VWCE: variants seen among roughly 807,000 people sequenced by gnomAD.
VWCE encodes von Willebrand factor C and EGF domain-containing protein.
A neutral mutation model predicts 102.9 loss-of-function variants in VWCE; 68 were observed. That is an observed-to-expected ratio of 0.66 (90% CI 0.54 to 0.81). VWCE has a LOEUF of 0.81. VWCE is among the 30% of genes least tolerant of loss of function. The pLI, the probability that VWCE is intolerant of heterozygous loss-of-function variation, is 0.00. For missense variants in VWCE, 1,137 were observed against 1,263.6 expected (o/e 0.90, Z 1.52); for synonymous variants, 497 against 515.4 (o/e 0.96, Z 0.48).
At chr11:61,281,762 G>C in intron 7 of VWCE, 24 bp downstream of exon 7, 2 of 1,595,362 alleles carry the variant, frequency 1.3e-6, no homozygotes, top group Non-Finnish European at 1.7e-6. Context: ...GCCAGCCGCC[G>C]GGATGGAGGG....
intron 4 of VWCE, among the ~76,000 whole-genome samples, 191 bp from the exon 5 acceptor site, chr11:61,286,621 G>A (rs998175825): frequency 2.0e-5 from 3 of 151,902 alleles, no homozygotes; most frequent in African/African-American, 7.3e-5. Flanking sequence ...GACCAACATG[G>A]AGAAACCCCG....
intron 1 of VWCE, among the ~76,000 whole-genome samples, chr11:61,292,681 C>T (rs1040936365): frequency 3.3e-5 from 5 of 152,078 alleles, no homozygotes; most frequent in Non-Finnish European, 5.9e-5. Flanking sequence ...CTGAGTAAGG[C>T]GTGACCATAC....
Position 61,263,745 on chromosome 11 carries a change from T to C in VWCE, c.2230+742A>G, listed in dbSNP as rs751055665. On this transcript the variant is annotated intron_variant, in intron 19 of 19. Transcript: ENST00000335613. Reference sequence around the variant, plus strand: ...GCACTTCACCTGCCTGGGCCTGTTTTCTCACCTGGCACAGGAGGATGACAA... The same window carrying C: ...GCACTTCACCTGCCTGGGCCTGTTTCCTCACCTGGCACAGGAGGATGACAA... 1.3e-3 allele frequency among the ~76,000 whole-genome samples: 191 copies of C among 152,298 alleles called. 1 individual carries two copies. Among genetic ancestry groups the C allele is most frequent in the Admixed American group, 3.5e-3 (53 of 15,300 alleles).
intron 14 of VWCE, among the ~76,000 whole-genome samples, chr11:61,270,471 G>C (rs931534401): frequency 6.6e-6 from 1 of 152,184 alleles, no homozygotes; most frequent in African/African-American, 2.4e-5. Context: ...GTATTAGATT[G>C]GTGCAAAAGT....
At chr11:61,277,310 C>T (rs565085807) in intron 10 of VWCE, among the ~76,000 whole-genome samples, 2 of 151,980 alleles carry the variant, frequency 1.3e-5, no homozygotes, top group Admixed American at 6.6e-5. Context: ...GAGCAAGAGA[C>T]ACTTAAAGAT....
At chr11:61,282,046 T>C in intron 6 of VWCE, 132 bp from the exon 7 acceptor site, 1 of 1,372,284 alleles carries the variant, frequency 7.3e-7, no homozygotes, top group Middle Eastern at 1.9e-4. Context: ...TGCCCCGAGG[T>C]GCGGGATGTG....
In VWCE at chr11:61,269,007, C is replaced by T. The variant is rs201645635; in HGVS notation, c.1797G>A (p.Ser599=). The T allele has an allele frequency of 9.4e-5, 151 of 1,614,056 alleles. No individual in the cohort carries two copies. Among genetic ancestry groups the T allele is most frequent in the African/African-American group, 2.4e-4 (18 of 75,042 alleles). Residue 599 remains serine (S), a synonymous_variant, in exon 15 of 20, where the codon TCG becomes TCA. Transcript: ENST00000335613. ...CACAGTCTGTCCTCTTGCAGCTCAC[C>T]GAGCCATCTGCCTGGAGGAAGGAGG... is the stretch of plus-strand genomic sequence containing the variant. The part of the protein sequence containing the change: ...CELCICQADG[S]VSCKRTDCVD...
intron 16 of VWCE, 123 bp downstream of exon 16, chr11:61,267,339 C>T: frequency 1.0e-6 from 1 of 990,888 alleles, no homozygotes; most frequent in Admixed American, 1.9e-5. Flanking sequence ...GAGCTGACTT[C>T]CACCATGAAC....
rs1470747085 is a variant in VWCE, at chr11:61,294,258, C to T, written c.110+670G>A. Among the ~76,000 whole-genome samples the T allele has an allele frequency of 6.6e-6, 1 of 152,180 alleles. No individual in the cohort carries two copies. The highest frequency in any genetic ancestry group is 6.5e-5 in the Admixed American group (1 of 15,278). Reference sequence around the variant, plus strand: ...AGCTACAAGCCTGGCCGGGCCGCCCCCGCTGCGCGCCCCCCGGAGGACGTG... The same window carrying T: ...AGCTACAAGCCTGGCCGGGCCGCCCTCGCTGCGCGCCCCCCGGAGGACGTG... On this transcript the variant is annotated intron_variant, in intron 1 of 19. Coordinates refer to ENST00000335613, the MANE Select transcript of VWCE (RefSeq NM_152718.2). The surrounding 1 kb of genome is among the most constrained non-coding windows in gnomAD (Gnocchi z 6.3).
intron 10 of VWCE, 105 bp from the exon 11 acceptor site, chr11:61,276,785 C>T: frequency 1.6e-6 from 1 of 625,084 alleles, no homozygotes; most frequent in African/African-American, 2.1e-5. Context: ...TAAAGGAGGC[C>T]ACAAGAAACC....
intron 15 of VWCE, among the ~76,000 whole-genome samples, 179 bp downstream of exon 15, chr11:61,268,743 C>T (rs1209056662): frequency 2.0e-5 from 3 of 152,160 alleles, no homozygotes; most frequent in African/African-American, 7.2e-5. Flanking sequence ...AGATCTGCCT[C>T]GAGCACTCAG....
At chr11:61,287,673 G>A (rs1311711079) in intron 4 of VWCE, among the ~76,000 whole-genome samples, 1 of 152,206 alleles carries the variant, frequency 6.6e-6, no homozygotes, top group Non-Finnish European at 1.5e-5. Flanking sequence ...GGCCCAGGCA[G>A]GCATGCCCTG....
chr11:61,290,967 C>T, intron 3 of VWCE, 40 bp from the exon 4 acceptor site: 1 of 1,588,814 alleles, frequency 6.3e-7, no homozygotes, highest in East Asian at 2.3e-5. Context: ...CACCCCGTGG[C>T]AGTCCCAACC....
intron 19 of VWCE, 34 bp from the exon 20 acceptor site, chr11:61,259,346 G>A (rs898671350): frequency 2.6e-6 from 4 of 1,538,584 alleles, no homozygotes; most frequent in Non-Finnish European, 2.6e-6. Context: ...GATGCACAAT[G>A]GCTCTCTCCA....
Position 61,258,620 on chromosome 11 carries a change from C to A in VWCE, c.*55G>T, listed in dbSNP as rs1778980858. ...ATCCTTGGAGCTGCCCTGCACACAC[C>A]CTGGGCCACTGGCAGAGGTCCTCTC... On this transcript the variant is annotated 3_prime_UTR_variant, in exon 20 of 20. Coordinates refer to ENST00000335613, the MANE Select transcript of VWCE (RefSeq NM_152718.2). 1 of 1,337,318 alleles carries A rather than the reference C, an allele frequency of 7.5e-7. No homozygotes were observed. Among genetic ancestry groups the A allele is most frequent in the Non-Finnish European group, 9.6e-7 (1 of 1,038,570 alleles). 82.8% of individuals were successfully genotyped at this position (1,337,318 alleles called of 1,614,324 possible).
intron 4 of VWCE, among the ~76,000 whole-genome samples, chr11:61,286,868 C>A (rs1402347417): frequency 6.6e-6 from 1 of 151,916 alleles, no homozygotes; most frequent in African/African-American, 2.4e-5. Flanking sequence ...GAGGCTGAGG[C>A]GGGCAGATCA....
At chr11:61,281,728 TG>T (rs1855143266) in intron 7 of VWCE, 57 bp downstream of exon 7, 2 of 1,441,356 alleles carry the variant, frequency 1.4e-6, no homozygotes, top group African/African-American at 3.8e-5. Context: ...GGGGCGTAGC[TG>T]GGGCAGGCAC....
At chr11:61,286,510 G>A in intron 4 of VWCE, 80 bp from the exon 5 acceptor site, 7 of 1,381,514 alleles carry the variant, frequency 5.1e-6, no homozygotes, top group East Asian at 4.6e-5. Context: ...TGGGAAGAAA[G>A]CACCCTTGCA....
rs938157057 is a variant in VWCE at position 61,294,401 on chromosome 11, G to C, written c.110+527C>G. Among the ~76,000 whole-genome samples the C allele has an allele frequency of 5.9e-5, 9 of 152,202 alleles. No individual in the cohort carries two copies. Among genetic ancestry groups the C allele is most frequent in the African/African-American group, 1.9e-4 (8 of 41,460 alleles). ...ACGTGCGGAGGGCGGCATCCATCGC[G>C]AAAGACAGCGGAGGGGCATGCACCC... On this transcript the variant is annotated intron_variant, in intron 1 of 19. Coordinates refer to ENST00000335613, the MANE Select transcript of VWCE (RefSeq NM_152718.2). The surrounding 1 kb of genome is among the most constrained non-coding windows in gnomAD (Gnocchi z 6.3).
Sources: allele counts gnomAD v4.1 joint callset (sites outside exome capture counted in the v4.1 genomes callset), GRCh38; gene constraint gnomAD v4.1.1; non-coding constraint Gnocchi (gnomAD v3.1); transcripts MANE v1.5; gene names NCBI Gene and HGNC (gene_info 2026-07-23, HGNC 2026-07-21).